EDIL3: variants seen among roughly 807,000 people sequenced by gnomAD.
The protein encoded by EDIL3 is EGF-like repeat and discoidin I-like domain-containing protein 3.
EDIL3 carries 37 observed loss-of-function variants against 67.4 expected under a neutral mutation model. The ratio of observed to expected loss-of-function variants is 0.55; its 90% CI spans 0.42 to 0.72. The LOEUF is 0.72. EDIL3 is among the 30% of genes least tolerant of loss of function. The probability of loss-of-function intolerance (pLI) is 0.00; values close to 1 mark genes in which losing one functional copy is unlikely to be tolerated. For missense variants in EDIL3, 527 were observed against 586.3 expected (o/e 0.90, Z 1.04); for synonymous variants, 195 against 196.3 (o/e 0.99, Z 0.05).
At chr5:83,989,615 G>C (rs930286214) in intron 9 of EDIL3, among the ~76,000 whole-genome samples, 1 of 152,190 alleles carries the variant, frequency 6.6e-6, no homozygotes, top group African/African-American at 2.4e-5. Flanking sequence ...AATATTGTAA[G>C]AGATATTTGA....
chr5:84,230,125 T>C (rs955192857), intron 2 of EDIL3, among the ~76,000 whole-genome samples: 23 of 152,204 alleles, frequency 1.5e-4, no homozygotes, highest in African/African-American at 5.5e-4. Flanking sequence ...TCCTATACTT[T>C]AAAATATCTA....
intron 9 of EDIL3, among the ~76,000 whole-genome samples, chr5:83,995,812 G>C (rs1441358092): frequency 6.6e-6 from 1 of 152,046 alleles, no homozygotes; most frequent in Admixed American, 6.6e-5. Context: ...TTTCATGAAG[G>C]CTGAATCCTC....
chr5:83,966,619 G>A (rs1744695636), intron 9 of EDIL3, among the ~76,000 whole-genome samples: 1 of 151,922 alleles, frequency 6.6e-6, no homozygotes, highest in African/African-American at 2.4e-5. Flanking sequence ...CAAGGATCTT[G>A]GACATGCTAC....
At chr5:84,007,890 A>G (rs1236331463) in intron 9 of EDIL3, among the ~76,000 whole-genome samples, 1 of 152,246 alleles carries the variant, frequency 6.6e-6, no homozygotes, top group East Asian at 1.9e-4. Flanking sequence ...AGTGTCCATC[A>G]GCAGATAAAT....
At chr5:83,985,426 A>T (rs994394639) in intron 9 of EDIL3, among the ~76,000 whole-genome samples, 1 of 152,062 alleles carries the variant, frequency 6.6e-6, no homozygotes. Flanking sequence ...AAGTGTTTAC[A>T]CTTAATATTT....
intron 2 of EDIL3, among the ~76,000 whole-genome samples, chr5:84,230,960 C>T (rs1350731335): frequency 2.6e-5 from 4 of 152,050 alleles, no homozygotes; most frequent in Non-Finnish European, 4.4e-5. Flanking sequence ...AAAGAGGAGG[C>T]CACAATACGA....
At chr5:84,154,700 T>TA in intron 4 of EDIL3, among the ~76,000 whole-genome samples, 1 of 147,296 alleles carries the variant, frequency 6.8e-6, no homozygotes, top group Non-Finnish European at 1.5e-5. Flanking sequence ...CTGCTTTTTT[T>TA]TTTTTTTTTT....
chr5:84,255,656 T>A (rs1379331548), intron 1 of EDIL3, among the ~76,000 whole-genome samples: 1 of 152,182 alleles, frequency 6.6e-6, no homozygotes, highest in Non-Finnish European at 1.5e-5. Context: ...TGAGAATTAT[T>A]TAAACTCTTT....
intron 6 of EDIL3, among the ~76,000 whole-genome samples, chr5:84,067,880 G>A (rs79093792): frequency 3.3e-5 from 5 of 152,134 alleles, no homozygotes; most frequent in Admixed American, 2.6e-4. Flanking sequence ...ATTCTGGGCC[G>A]ATGGTCCCTT....
chr5:84,098,287 C>T (rs1300540371), intron 6 of EDIL3, among the ~76,000 whole-genome samples: 3 of 151,978 alleles, frequency 2.0e-5, no homozygotes, highest in African/African-American at 4.8e-5. Flanking sequence ...GTTTGTCATA[C>T]ACCTGAAAGA....
chr5:84,075,562 G>A (rs1412592284), intron 6 of EDIL3, among the ~76,000 whole-genome samples: 3 of 151,920 alleles, frequency 2.0e-5, no homozygotes, highest in South Asian at 2.1e-4. Context: ...TGCAAACTCC[G>A]CCTCCCAGGT....
intron 6 of EDIL3, among the ~76,000 whole-genome samples, chr5:84,080,697 T>C (rs1361569736): frequency 1.3e-5 from 2 of 152,224 alleles, no homozygotes; most frequent in Non-Finnish European, 2.9e-5. Context: ...GAGTCTATAA[T>C]ATTGGGATAA....
intron 3 of EDIL3, among the ~76,000 whole-genome samples, chr5:84,228,351 A>G (rs1020864469): frequency 7.9e-5 from 12 of 152,128 alleles, no homozygotes; most frequent in African/African-American, 2.4e-5. Flanking sequence ...ACCACAATAG[A>G]CAGACATACA....
intron 9 of EDIL3, among the ~76,000 whole-genome samples, chr5:83,988,525 C>A (rs1184962985): frequency 3.3e-5 from 5 of 152,140 alleles, no homozygotes. Flanking sequence ...AGAGCTCTCT[C>A]TGTAGAGCTG....
chr5:83,977,508 T>C (rs1232605940), intron 9 of EDIL3, among the ~76,000 whole-genome samples: 1 of 151,790 alleles, frequency 6.6e-6, no homozygotes, highest in East Asian at 1.9e-4. Flanking sequence ...GTAGTTTGTG[T>C]AACACAGAGA....
At chr5:84,299,982 A>G (rs765256954) in intron 1 of EDIL3, among the ~76,000 whole-genome samples, 3 of 152,240 alleles carry the variant, frequency 2.0e-5, no homozygotes, top group Non-Finnish European at 4.4e-5. Flanking sequence ...TGAATTTACC[A>G]ACATTCCCAA....
At chr5:84,231,776 G>T (rs1015447808) in intron 2 of EDIL3, among the ~76,000 whole-genome samples, 1 of 151,554 alleles carries the variant, frequency 6.6e-6, no homozygotes, top group African/African-American at 2.4e-5. Flanking sequence ...GTTCAAAGAG[G>T]AAAAAAAATG....
intron 4 of EDIL3, among the ~76,000 whole-genome samples, chr5:84,172,703 C>T (rs1748833791): frequency 6.6e-6 from 1 of 152,108 alleles, no homozygotes; most frequent in Non-Finnish European, 1.5e-5. Flanking sequence ...ACTGTACAAC[C>T]ACCAGTACTG....
chr5:84,242,064 CA>C (rs397702402), intron 2 of EDIL3, among the ~76,000 whole-genome samples: 10,901 of 122,266 alleles, frequency 0.089, 504 homozygotes, highest in South Asian at 0.21. Flanking sequence ...ACTAAAAGTA[CA>C]AAAAAAAAAA....
Sources: allele counts gnomAD v4.1 joint callset (sites outside exome capture counted in the v4.1 genomes callset), GRCh38; gene constraint gnomAD v4.1.1; transcripts MANE v1.5; gene names NCBI Gene and HGNC (gene_info 2026-07-23, HGNC 2026-07-21).